STAB2: variants seen among roughly 807,000 people sequenced by gnomAD.
STAB2 encodes the protein stabilin 2.
STAB2 carries 288 observed loss-of-function variants against 338.1 expected under a neutral mutation model. The ratio of observed to expected loss-of-function variants is 0.85; its 90% CI spans 0.77 to 0.94. The LOEUF is 0.94. Ranked by LOEUF, STAB2 falls within the 40% of genes least tolerant of loss-of-function variation. The probability of loss-of-function intolerance (pLI) is 0.00; values close to 1 mark genes in which losing one functional copy is unlikely to be tolerated. For synonymous variants in STAB2, 1,202 were observed against 1,193.3 expected (o/e 1.01, Z -0.15); for missense variants, 3,141 against 3,210.1 (o/e 0.98, Z 0.52).
rs1254310876 is a variant in STAB2, at chr12:103,673,932, C to A, written c.2397C>A (p.Cys799Ter). 6.2e-7 allele frequency: 1 copy of A among 1,613,598 alleles called. No individual in the cohort carries two copies. Among genetic ancestry groups the A allele is most frequent in the Admixed American group, 1.7e-5 (1 of 60,022 alleles). The change falls in exon 23 of 69, where the codon TGC (cysteine) becomes TGA (stop). Residue 799 changes from cysteine (C) to a stop codon, truncating the protein, a stop_gained. Coordinates refer to ENST00000388887, the MANE Select transcript of STAB2 (RefSeq NM_017564.10). LOFTEE classifies it high-confidence loss of function. Reference protein sequence around the residue: ...NKKCLCVHGTCNNRIDSDGAC... With the variant: ...NKKCLCVHGT ...AATGCCTGTGCGTTCACGGAACATG[C>A]AATAACAGGATAGACAGCGATGGGG...
At chr12:103,606,879 G>A (rs540594594) in intron 3 of STAB2, among the ~76,000 whole-genome samples, 65 of 152,244 alleles carry the variant, frequency 4.3e-4, no homozygotes, top group Non-Finnish European at 8.7e-4. Context: ...AGCTACTTGG[G>A]TGGCTGAGGC....
chr12:103,725,868 A>G (rs554690373), intron 45 of STAB2, among the ~76,000 whole-genome samples: 1 of 152,330 alleles, frequency 6.6e-6, no homozygotes, highest in African/African-American at 2.4e-5. Flanking sequence ...TAAAGTTCAG[A>G]TACTTCTGGA....
intron 55 of STAB2, among the ~76,000 whole-genome samples, chr12:103,741,509 A>G (rs1882582029): frequency 6.6e-6 from 1 of 152,218 alleles, no homozygotes; most frequent in Non-Finnish European, 1.5e-5. Flanking sequence ...GCTGGAGTAC[A>G]GTGGCAGGAC....
chr12:103,612,331 G>A (rs530347698), intron 3 of STAB2, among the ~76,000 whole-genome samples: 5 of 152,004 alleles, frequency 3.3e-5, no homozygotes, highest in South Asian at 4.2e-4. Flanking sequence ...CCAATCAGAC[G>A]TAGATTTGGT....
intron 51 of STAB2, among the ~76,000 whole-genome samples, chr12:103,733,463 G>A (rs996106424): frequency 3.3e-5 from 5 of 152,008 alleles, no homozygotes; most frequent in African/African-American, 9.7e-5. Context: ...GCAGATCAGC[G>A]TTTCCTCCTT....
In STAB2 at chr12:103,759,166, G is replaced by C; in HGVS notation, c.7141G>C (p.Ala2381Pro). Residue 2381 changes from alanine to proline, a missense_variant, in exon 65 of 69, where the codon GCC (alanine) becomes CCC (proline). Transcript: ENST00000388887. Reference sequence around the variant, plus strand: ...TGGGCGGGACATCGAGCACCACCTCGCCAATGTCAGCATGTTTTTCTACAA... The same window carrying C: ...TGGGCGGGACATCGAGCACCACCTCCCCAATGTCAGCATGTTTTTCTACAA... ...LSGRDIEHHL[A>P]NVSMFFYNDL... 6.2e-7 allele frequency: 1 copy of C among 1,614,058 alleles called. No individual in the cohort carries two copies. The highest frequency in any genetic ancestry group is 1.3e-5 in the African/African-American group (1 of 74,978).
intron 53 of STAB2, 120 bp downstream of exon 53, chr12:103,737,900 A>G (rs1882286308): frequency 4.6e-6 from 6 of 1,302,628 alleles, no homozygotes; most frequent in African/African-American, 3.0e-5. Flanking sequence ...ACTAGGACCC[A>G]GAAGACCTGA....
At chr12:103,716,544 A>C (rs1027837120) in intron 43 of STAB2, among the ~76,000 whole-genome samples, 4 of 152,310 alleles carry the variant, frequency 2.6e-5, no homozygotes, top group African/African-American at 9.6e-5. Context: ...TGAATGCTCT[A>C]TTGACCTAGT....
At position 103,594,523 on chromosome 12, in the gene STAB2, A is replaced by G. The variant is rs1365891057; in HGVS notation, c.331+13A>G. 6.3e-7 allele frequency: 1 copy of G among 1,594,764 alleles called. No individual in the cohort carries two copies. Among genetic ancestry groups the G allele is most frequent in the South Asian group, 1.1e-5 (1 of 90,576 alleles). On this transcript the variant is annotated intron_variant, in intron 3 of 68. Transcript: ENST00000388887. ...CCAGACTGTATAGGTAAGTGGCACA[A>G]TGCTTGGACTTTGAGACTTGCTTCT...
At chr12:103,725,306 G>A (rs1204555908) in intron 45 of STAB2, among the ~76,000 whole-genome samples, 1 of 152,180 alleles carries the variant, frequency 6.6e-6, no homozygotes, top group Admixed American at 6.5e-5. Context: ...GGATTAAGGT[G>A]GACCGACAGC....
chr12:103,719,882 A>G (rs764289754), intron 44 of STAB2, among the ~76,000 whole-genome samples: 1 of 152,088 alleles, frequency 6.6e-6, no homozygotes, highest in Non-Finnish European at 1.5e-5. Context: ...ACCCTTGACC[A>G]CTTCTTGGGG....
At chr12:103,634,656 A>G (rs1957515461) in intron 6 of STAB2, among the ~76,000 whole-genome samples, 1 of 152,238 alleles carries the variant, frequency 6.6e-6, no homozygotes, top group South Asian at 2.1e-4. Context: ...TGAAAAAATT[A>G]TTGGGAACCT....
intron 55 of STAB2, 74 bp from the exon 56 acceptor site, chr12:103,742,331 A>G: frequency 6.4e-7 from 1 of 1,559,700 alleles, no homozygotes; most frequent in Non-Finnish European, 8.7e-7. Flanking sequence ...CAGATGCCAC[A>G]GCACATTTAC....
intron 65 of STAB2, 87 bp from the exon 66 acceptor site, chr12:103,761,213 G>A (rs962723101): frequency 3.2e-6 from 4 of 1,241,200 alleles, no homozygotes; most frequent in South Asian, 1.3e-5. Context: ...TGGGCTCAGG[G>A]GCCTTGGGAA....
At chr12:103,645,498 G>A (rs867087368) in intron 9 of STAB2, among the ~76,000 whole-genome samples, 2 of 152,198 alleles carry the variant, frequency 1.3e-5, no homozygotes, top group South Asian at 4.1e-4. Context: ...TCAGTGGTTT[G>A]TAAAGGTTAC....
At chr12:103,743,013 AT>A (rs59446243) in intron 56 of STAB2, among the ~76,000 whole-genome samples, 2 of 120,160 alleles carry the variant, frequency 1.7e-5, no homozygotes, top group East Asian at 2.7e-4. Flanking sequence ...AGAGCCAGCA[AT>A]TTTTTTTTCT....
Position 103,713,768 on chromosome 12 carries a change from G to A in STAB2, c.4537G>A (p.Glu1513Lys), listed in dbSNP as rs1297575143. Residue 1513 changes from glutamate (E) to lysine (K), a missense_variant and splice_region_variant, in exon 42 of 69, where the codon GAA becomes AAA. Physicochemically the swap from Glu to Lys is moderately conservative, Grantham distance 56 (BLOSUM62 1). Transcript: ENST00000388887. ...GYTGDGIVCL[E>K]INPCLENHGG... ...CACGGGTGATGGCATTGTGTGCCTGGGTAGGTGTCCTTCCCTCTTCCATCG... is the reference window on the plus strand; with the variant it reads ...CACGGGTGATGGCATTGTGTGCCTGAGTAGGTGTCCTTCCCTCTTCCATCG... The A allele has an allele frequency of 1.2e-6, 2 of 1,613,552 alleles. No homozygotes were observed. The highest frequency in any genetic ancestry group is 1.3e-5 in the African/African-American group (1 of 74,898).
At chr12:103,707,365 T>A (rs569550737) in intron 38 of STAB2, among the ~76,000 whole-genome samples, 1 of 152,356 alleles carries the variant, frequency 6.6e-6, no homozygotes, top group Non-Finnish European at 1.5e-5. Flanking sequence ...CACAGGAACC[T>A]TAGGTACATG....
At chr12:103,622,321 G>A (rs1236714576) in intron 5 of STAB2, among the ~76,000 whole-genome samples, 1 of 151,332 alleles carries the variant, frequency 6.6e-6, no homozygotes, top group African/African-American at 2.4e-5. Context: ...ACTCAGTGAA[G>A]CCATGTGATG....
Sources: allele counts gnomAD v4.1 joint callset (sites outside exome capture counted in the v4.1 genomes callset), GRCh38; gene constraint gnomAD v4.1.1; transcripts MANE v1.5; gene names NCBI Gene and HGNC (gene_info 2026-07-23, HGNC 2026-07-21).